The following PID1 variants were observed in gnomAD, a reference collection of about 807,000 sequenced individuals.
PID1 encodes phosphotyrosine interaction domain containing 1.
Under a neutral mutation model 19.1 loss-of-function variants are expected in PID1, and 10 were observed. That is an observed-to-expected ratio of 0.52 (90% CI 0.32 to 0.89). The LOEUF is 0.89. PID1 is among the 40% of genes least tolerant of loss of function. The probability of loss-of-function intolerance (pLI) is 0.03; values close to 1 mark genes in which losing one functional copy is unlikely to be tolerated. For synonymous variants in PID1, 130 were observed against 116.0 expected, an observed-to-expected ratio of 1.12 and a Z score of -0.78; for missense variants, 248 against 285.3, an observed-to-expected ratio of 0.87 and a Z score of 0.94.
At chr2:229,034,343 A>T (rs1196118048) in intron 2 of PID1, among the ~76,000 whole-genome samples, 2 of 152,170 alleles carry the variant, frequency 1.3e-5, no homozygotes, top group African/African-American at 2.4e-5. Context: ...CTTTATATGG[A>T]TCATTAATCC....
chr2:229,170,607 C>A, intron 1 of PID1, among the ~76,000 whole-genome samples: 1 of 152,078 alleles, frequency 6.6e-6, no homozygotes, highest in East Asian at 1.9e-4. Flanking sequence ...TTCTCTTTTG[C>A]TCTCTTCTTG....
At chr2:229,127,243 C>A (rs975163671) in intron 2 of PID1, among the ~76,000 whole-genome samples, 5 of 152,162 alleles carry the variant, frequency 3.3e-5, no homozygotes, top group Non-Finnish European at 5.9e-5. Flanking sequence ...TGGGACATAA[C>A]CTCTCTGTTT....
At chr2:229,095,898 C>A (rs557787619) in intron 2 of PID1, among the ~76,000 whole-genome samples, 2 of 152,244 alleles carry the variant, frequency 1.3e-5, no homozygotes, top group South Asian at 2.1e-4. Context: ...TGGTTCTACT[C>A]AATTTGATTT....
intron 2 of PID1, among the ~76,000 whole-genome samples, chr2:229,061,153 A>C (rs73099462): frequency 0.064 from 9,780 of 152,046 alleles, 1,058 homozygotes; most frequent in African/African-American, 0.22. Flanking sequence ...CTGTGCTTTT[A>C]GGGTCATATC....
intron 2 of PID1, among the ~76,000 whole-genome samples, chr2:229,058,095 C>T (rs939190303): frequency 6.6e-6 from 1 of 152,196 alleles, no homozygotes; most frequent in Admixed American, 6.5e-5. Flanking sequence ...ATTTTCATGG[C>T]TTGCAAGGGG....
chr2:229,099,688 C>A (rs1014284214), intron 2 of PID1, among the ~76,000 whole-genome samples: 4 of 152,108 alleles, frequency 2.6e-5, no homozygotes, highest in Non-Finnish European at 5.9e-5. Context: ...TTAGGATTTT[C>A]TCCCTAGAAG....
chr2:229,165,576 T>A (rs1690580320), intron 1 of PID1, among the ~76,000 whole-genome samples: 1 of 147,156 alleles, frequency 6.8e-6, no homozygotes, highest in South Asian at 2.3e-4. Flanking sequence ...CGAGACCCAG[T>A]CTCAAAAATA....
intron 2 of PID1, among the ~76,000 whole-genome samples, chr2:229,101,372 T>C (rs1695070266): frequency 6.6e-6 from 1 of 152,192 alleles, no homozygotes; most frequent in African/African-American, 2.4e-5. Context: ...GTTTTTATAC[T>C]TTCTTGTAAG....
intron 1 of PID1, among the ~76,000 whole-genome samples, chr2:229,233,755 G>A (rs576943152): frequency 3.9e-5 from 6 of 152,284 alleles, no homozygotes; most frequent in African/African-American, 1.4e-4. Context: ...GCCTCCCAAA[G>A]TTCTGGGATT....
intron 2 of PID1, among the ~76,000 whole-genome samples, chr2:229,090,404 G>A (rs1366378740): frequency 6.6e-6 from 1 of 152,136 alleles, no homozygotes; most frequent in Non-Finnish European, 1.5e-5. Flanking sequence ...GTCATGGCAG[G>A]GGGAAGGGAG....
chr2:229,103,164 C>T (rs533685246), intron 2 of PID1, among the ~76,000 whole-genome samples: 70 of 152,236 alleles, frequency 4.6e-4, no homozygotes, highest in African/African-American at 1.6e-3. Flanking sequence ...GGAGAAACTT[C>T]GGGTGCCCAC....
At chr2:229,258,686 G>A (rs750428455) in intron 1 of PID1, among the ~76,000 whole-genome samples, 6 of 151,924 alleles carry the variant, frequency 3.9e-5, no homozygotes, top group Non-Finnish European at 7.4e-5. Flanking sequence ...GTGAAACCCC[G>A]TCTCTACTAA....
intron 1 of PID1, among the ~76,000 whole-genome samples, chr2:229,177,437 ATAAT>A (rs764298893): frequency 2.3e-4 from 35 of 152,344 alleles, no homozygotes; most frequent in Non-Finnish European, 4.3e-4. Context: ...TTATTCCTAC[ATAAT>A]TAATTGTTAT....
At chr2:229,175,987 G>C (rs549095805) in intron 1 of PID1, among the ~76,000 whole-genome samples, 43 of 152,052 alleles carry the variant, frequency 2.8e-4, no homozygotes, top group Non-Finnish European at 4.4e-4. Flanking sequence ...TACAACACAG[G>C]CTCCCTGCAC....
chr2:229,090,564 T>C (rs1481406470), intron 2 of PID1, among the ~76,000 whole-genome samples: 1 of 152,134 alleles, frequency 6.6e-6, no homozygotes, highest in Non-Finnish European at 1.5e-5. Flanking sequence ...AACTTAATAG[T>C]ACAAGCAGGC....
rs146639052 is a variant in PID1 at position 229,159,173 on chromosome 2, C to G, written c.31-3209G>C. 5.9e-5 allele frequency among the ~76,000 whole-genome samples: 9 copies of G among 152,200 alleles called. No individual in the cohort carries two copies. In the East Asian group the frequency reaches 1.7e-3, roughly 29 times the overall value. The stretch of plus-strand genomic sequence containing the variant: ...TGATGTTATTATTGTGCGTTGCATG[C>G]CTGAATCAAAACAGCTCATCTCATA... On this transcript the variant is annotated intron_variant, in intron 1 of 2. Transcript: ENST00000392055.
In PID1 at chr2:229,258,215, G is replaced by A. The variant is rs141711595; in HGVS notation, c.30+12799C>T. On this transcript the variant is annotated intron_variant, in intron 1 of 2. Transcript: ENST00000392055. ...AACTAGGAGCATGAACGAGAAACAG[G>A]GCCATCCAGAATGAGGAAGAATCAA... 3.8e-3 allele frequency among the ~76,000 whole-genome samples: 573 copies of A among 152,240 alleles called. 2 individuals are homozygous for A. The highest frequency in any genetic ancestry group is 0.013 in the African/African-American group (544 of 41,528).
At chr2:229,071,433 A>T (rs1694450021) in intron 2 of PID1, among the ~76,000 whole-genome samples, 1 of 152,168 alleles carries the variant, frequency 6.6e-6, no homozygotes, top group African/African-American at 2.4e-5. Context: ...GCTAAGCGCC[A>T]AGCACTCTGT....
intron 2 of PID1, among the ~76,000 whole-genome samples, chr2:229,108,087 CAAGAA>C (rs1455789416): frequency 1.5e-5 from 2 of 129,064 alleles, no homozygotes; most frequent in East Asian, 2.0e-4. Context: ...AAATTTAAAA[CAAGAA>C]AAGAAAAGAA....
Sources: gnomAD v4.1 joint callset for allele counts (sites outside exome capture counted in the v4.1 genomes callset) on GRCh38, gnomAD v4.1.1 for gene constraint, MANE v1.5 for transcripts, NCBI Gene and HGNC (gene_info 2026-07-23, HGNC 2026-07-21) for gene names.